CTSO: variants seen among roughly 807,000 people sequenced by gnomAD.
CTSO encodes the protein cathepsin O.
A neutral mutation model predicts 42.4 loss-of-function variants in CTSO; 40 were observed. The observed-to-expected ratio is 0.94, with a 90% CI of 0.73 to 1.23. The LOEUF (loss-of-function observed/expected upper bound fraction) is 1.23, where lower values mean the gene tolerates loss of function less well. Among genes scored for constraint, CTSO ranks in the 50% most tolerant of loss-of-function variants. CTSO has a pLI of 0.00. For missense variants in CTSO, 441 were observed against 396.0 expected (o/e 1.11, Z -0.96); for synonymous variants, 156 against 146.2 (o/e 1.07, Z -0.48).
At chr4:155,948,373 TTGTGTGTGTGTG>T (rs55984712) in intron 1 of CTSO, among the ~76,000 whole-genome samples, 1 of 150,972 alleles carries the variant, frequency 6.6e-6, no homozygotes, top group African/African-American at 2.4e-5. Context: ...AAAGCTGCCT[TTGTGTGTGTGTG>T]TGTGTGTGTG....
At chr4:155,934,047 C>T (rs1388001897) in intron 5 of CTSO, among the ~76,000 whole-genome samples, 2 of 152,212 alleles carry the variant, frequency 1.3e-5, no homozygotes, top group Non-Finnish European at 2.9e-5. Flanking sequence ...TTATGTCAGA[C>T]ACCTTCACGG....
At chr4:155,936,931 C>T (rs576300035) in intron 5 of CTSO, among the ~76,000 whole-genome samples, 39 of 152,146 alleles carry the variant, frequency 2.6e-4, no homozygotes, top group Admixed American at 5.2e-4. Flanking sequence ...ATGTAGCCTA[C>T]GTGATATTAG....
chr4:155,928,736 T>C (rs1174220814), intron 6 of CTSO, among the ~76,000 whole-genome samples: 1 of 152,200 alleles, frequency 6.6e-6, no homozygotes, highest in Non-Finnish European at 1.5e-5. Context: ...TTTAGATACG[T>C]ATGATAAAAT....
chr4:155,953,609 G>T, intron 1 of CTSO, 104 bp downstream of exon 1: 1 of 1,209,252 alleles, frequency 8.3e-7, no homozygotes, highest in Non-Finnish European at 1.0e-6. Flanking sequence ...AGCCACGGGT[G>T]CCCACGAGCA....
At chr4:155,944,647 G>A (rs1001071841) in intron 1 of CTSO, among the ~76,000 whole-genome samples, 3 of 152,102 alleles carry the variant, frequency 2.0e-5, no homozygotes, top group African/African-American at 4.8e-5. Context: ...TTTAGCTGCT[G>A]CTAGTTGAAA....
At chr4:155,937,212 A>T in intron 5 of CTSO, 150 bp downstream of exon 5, 1 of 538,658 alleles carries the variant, frequency 1.9e-6, no homozygotes, top group Non-Finnish European at 3.2e-6. Context: ...CATTTACAAC[A>T]TTTCATTGTA....
chr4:155,943,841 G>A (rs535221825), intron 1 of CTSO, among the ~76,000 whole-genome samples: 1 of 152,178 alleles, frequency 6.6e-6, no homozygotes, highest in African/African-American at 2.4e-5. Flanking sequence ...AAGATAGCCT[G>A]GTTTCTCTAT....
At chr4:155,931,133 A>T (rs1295945933) in intron 5 of CTSO, among the ~76,000 whole-genome samples, 1 of 152,132 alleles carries the variant, frequency 6.6e-6, no homozygotes, top group East Asian at 1.9e-4. Flanking sequence ...AGGATTATTT[A>T]TTTCCCTCAT....
intron 1 of CTSO, among the ~76,000 whole-genome samples, chr4:155,953,355 T>C (rs1743710812): frequency 6.6e-6 from 1 of 152,086 alleles, no homozygotes; most frequent in African/African-American, 2.4e-5. Flanking sequence ...TAGAAGAGCT[T>C]TGGAAGCCAG....
chr4:155,943,723 TAAATAAATTA>T (rs1743481862), intron 1 of CTSO, among the ~76,000 whole-genome samples: 5 of 152,158 alleles, frequency 3.3e-5, no homozygotes, highest in Non-Finnish European at 5.9e-5. Flanking sequence ...ACAGACTGGG[TAAATAAATTA>T]ATAAATCAAT....
At position 155,934,378 on chromosome 4, in the gene CTSO, G is replaced by A. The variant is rs369252694; in HGVS notation, c.674+2984C>T. The stretch of plus-strand genomic sequence containing the variant: ...GGGCCCTCATGGAAAACCTCTGCTA[G>A]CGCAGTGCAGAAGAAAAATGTGGGG... On this transcript the variant is annotated intron_variant, in intron 5 of 7. Transcript: ENST00000433477. Among the ~76,000 whole-genome samples, 5 of 152,366 alleles carry A rather than the reference G, an allele frequency of 3.3e-5. No individual in the cohort carries two copies. In the East Asian group the frequency reaches 9.6e-4, roughly 29 times the overall value.
At chr4:155,948,452 T>A (rs574340697) in intron 1 of CTSO, among the ~76,000 whole-genome samples, 1 of 152,232 alleles carries the variant, frequency 6.6e-6, no homozygotes, top group African/African-American at 2.4e-5. Context: ...AAATGTAATA[T>A]GTTTCTAAGC....
At chr4:155,944,486 C>T (rs935128231) in intron 1 of CTSO, among the ~76,000 whole-genome samples, 4 of 152,142 alleles carry the variant, frequency 2.6e-5, no homozygotes, top group Admixed American at 2.6e-4. Flanking sequence ...CTAAGGAATT[C>T]AGAGGATTCA....
chr4:155,946,237 T>C (rs17314604), intron 1 of CTSO, among the ~76,000 whole-genome samples: 30,289 of 152,128 alleles, frequency 0.2, 3,376 homozygotes, highest in Middle Eastern at 0.41. Flanking sequence ...GAAACAAACT[T>C]ATACATCGTT....
At chr4:155,953,065 TTATAAAA>T (rs1259256480) in intron 1 of CTSO, among the ~76,000 whole-genome samples, 1 of 149,774 alleles carries the variant, frequency 6.7e-6, no homozygotes, top group Admixed American at 6.7e-5. Flanking sequence ...ATTATAAATA[TTATAAAA>T]TATAAATTAT....
chr4:155,937,609 C>T, intron 4 of CTSO, 126 bp from the exon 5 acceptor site: 3 of 821,362 alleles, frequency 3.7e-6, no homozygotes, highest in Admixed American at 3.0e-5. Context: ...ACTTTGCGTT[C>T]TTTTTTTTTT....
Position 155,926,104 on chromosome 4 carries a change from C to A in CTSO, c.932-34G>T, listed in dbSNP as rs190558877. ...AAAAAAAGGAATTATTAGTCTATTT[C>A]CTCTTTAGATGCTTTTGAAATTGTA... is the stretch of plus-strand genomic sequence containing the variant. On this transcript the variant is annotated intron_variant, in intron 7 of 7. Coordinates refer to ENST00000433477, the MANE Select transcript of CTSO (RefSeq NM_001334.3). 6,660 of 1,480,356 alleles carry A rather than the reference C, an allele frequency of 4.5e-3. 22 individuals carry two copies. Among genetic ancestry groups the A allele is most frequent in the Non-Finnish European group, 5.2e-3 (5,554 of 1,077,892 alleles). 91.7% of individuals were successfully genotyped at this position (1,480,356 alleles called of 1,614,324 possible).
chr4:155,941,174 A>G (rs990471274), intron 3 of CTSO, among the ~76,000 whole-genome samples: 1 of 152,220 alleles, frequency 6.6e-6, no homozygotes, highest in Non-Finnish European at 1.5e-5. Flanking sequence ...GCACCAAAAC[A>G]CTTTCCATAA....
chr4:155,953,615 G>C, intron 1 of CTSO, 98 bp downstream of exon 1: 1 of 1,218,730 alleles, frequency 8.2e-7, no homozygotes, highest in Non-Finnish European at 1.0e-6. Context: ...GGGTGCCCAC[G>C]AGCAGGGTCA....
Sources: gnomAD v4.1 joint callset for allele counts (sites outside exome capture counted in the v4.1 genomes callset) on GRCh38, gnomAD v4.1.1 for gene constraint, MANE v1.5 for transcripts, NCBI Gene and HGNC (gene_info 2026-07-23, HGNC 2026-07-21) for gene names.